The following KDM4C variants were observed in gnomAD, a reference collection of about 807,000 sequenced individuals.
KDM4C encodes lysine-specific demethylase 4C.
KDM4C carries 81 observed loss-of-function variants against 129.3 expected under a neutral mutation model. The ratio of observed to expected loss-of-function variants is 0.63; its 90% CI spans 0.52 to 0.75. The LOEUF (loss-of-function observed/expected upper bound fraction) is 0.75. KDM4C is among the 30% of genes least tolerant of loss of function. KDM4C has a pLI of 0.00. For synonymous variants in KDM4C, 573 were observed against 456.1 expected, an observed-to-expected ratio of 1.26 and a Z score of -3.26; for missense variants, 1,457 against 1,304.0, an observed-to-expected ratio of 1.12 and a Z score of -1.81.
intron 5 of KDM4C, among the ~76,000 whole-genome samples, chr9:6,870,762 G>A (rs146713105): frequency 3.3e-4 from 50 of 152,126 alleles, no homozygotes; most frequent in African/African-American, 1.2e-3. Context: ...ATGATTGTGA[G>A]CAAAACAGCA....
chr9:7,052,531 A>C (rs1436240568), intron 17 of KDM4C, among the ~76,000 whole-genome samples: 1 of 152,108 alleles, frequency 6.6e-6, no homozygotes, highest in Non-Finnish European at 1.5e-5. Flanking sequence ...TCTAATTCAC[A>C]CACATGTCTG....
intron 15 of KDM4C, among the ~76,000 whole-genome samples, chr9:7,039,458 A>G (rs1286935884): frequency 7.2e-5 from 11 of 151,876 alleles, no homozygotes; most frequent in Admixed American, 3.9e-4. Context: ...TATTTTTAAT[A>G]TACTTATTTT....
At chr9:7,107,476 G>A (rs932689711) in intron 18 of KDM4C, among the ~76,000 whole-genome samples, 1 of 152,212 alleles carries the variant, frequency 6.6e-6, no homozygotes, top group African/African-American at 2.4e-5. Context: ...AAAATGGCAT[G>A]CAATGTTTTT....
At chr9:6,955,570 C>T (rs567292540) in intron 8 of KDM4C, among the ~76,000 whole-genome samples, 2 of 152,264 alleles carry the variant, frequency 1.3e-5, no homozygotes, top group Non-Finnish European at 2.9e-5. Context: ...GCAGCTTTAT[C>T]GAAGTATGAC....
chr9:6,821,341 T>C (rs149598742), intron 4 of KDM4C, among the ~76,000 whole-genome samples: 1 of 152,202 alleles, frequency 6.6e-6, no homozygotes, highest in Admixed American at 6.5e-5. Flanking sequence ...CCACCAACAG[T>C]GTAAAAGCGT....
At chr9:6,928,610 T>A (rs575570689) in intron 8 of KDM4C, among the ~76,000 whole-genome samples, 263 of 152,254 alleles carry the variant, frequency 1.7e-3, no homozygotes, top group Non-Finnish European at 3.0e-3. Flanking sequence ...TTTTTTTTTT[T>A]TAATAATAAT....
chr9:6,812,610 G>C (rs754969738), intron 3 of KDM4C, among the ~76,000 whole-genome samples: 1 of 152,136 alleles, frequency 6.6e-6, no homozygotes, highest in Non-Finnish European at 1.5e-5. Flanking sequence ...TAATGCCACT[G>C]ATCTGACAGG....
chr9:6,728,300 C>G (rs1477511500), intron 1 of KDM4C, among the ~76,000 whole-genome samples: 1 of 152,018 alleles, frequency 6.6e-6, no homozygotes, highest in South Asian at 2.1e-4. Context: ...CTTTGGGAGG[C>G]CAAGGCGGGT....
At chr9:6,976,805 A>G (rs1221147089) in intron 8 of KDM4C, among the ~76,000 whole-genome samples, 1 of 87,352 alleles carries the variant, frequency 1.1e-5, no homozygotes, top group Non-Finnish European at 2.2e-5. Flanking sequence ...AATAGCAATA[A>G]ATATGTTGTT....
intron 19 of KDM4C, among the ~76,000 whole-genome samples, chr9:7,132,355 G>T (rs992221839): frequency 2.0e-5 from 3 of 152,162 alleles, no homozygotes; most frequent in Admixed American, 1.3e-4. Context: ...AAATGCTTAC[G>T]TTAGCGTTAT....
chr9:6,853,235 C>T (rs1176064027), intron 5 of KDM4C, among the ~76,000 whole-genome samples: 1 of 152,122 alleles, frequency 6.6e-6, no homozygotes, highest in African/African-American at 2.4e-5. Flanking sequence ...TGCCTATAAT[C>T]CCAGCACTTT....
At chr9:6,887,657 A>G (rs1051366498) in intron 6 of KDM4C, among the ~76,000 whole-genome samples, 5 of 152,210 alleles carry the variant, frequency 3.3e-5, no homozygotes, top group African/African-American at 9.7e-5. Flanking sequence ...TTATCAGATA[A>G]TAGATTGAAT....
At chr9:6,869,080 G>C (rs1842476237) in intron 5 of KDM4C, among the ~76,000 whole-genome samples, 1 of 152,108 alleles carries the variant, frequency 6.6e-6, no homozygotes, top group Non-Finnish European at 1.5e-5. Context: ...ACATGTATAT[G>C]GTTATCGAAT....
chr9:6,808,701 A>G (rs920757228), intron 3 of KDM4C, among the ~76,000 whole-genome samples: 22 of 151,264 alleles, frequency 1.5e-4, no homozygotes, highest in Admixed American at 3.9e-4. Context: ...AAAAAAAAAA[A>G]AAAAAAAAAG....
At chr9:7,165,194 C>T (rs1331190781) in intron 19 of KDM4C, 44 bp from the exon 20 acceptor site, 1 of 1,608,664 alleles carries the variant, frequency 6.2e-7, no homozygotes, top group Non-Finnish European at 8.5e-7. Flanking sequence ...AATGCAGTCA[C>T]TTAGGCACTC....
chr9:7,101,143 C>T (rs1307184440), intron 17 of KDM4C, among the ~76,000 whole-genome samples: 1 of 152,142 alleles, frequency 6.6e-6, no homozygotes, highest in African/African-American at 2.4e-5. Flanking sequence ...TCTGTTGTCC[C>T]CAGGCATGAT....
At chr9:6,867,129 C>T (rs1328553691) in intron 5 of KDM4C, among the ~76,000 whole-genome samples, 2 of 151,364 alleles carry the variant, frequency 1.3e-5, no homozygotes, top group African/African-American at 2.4e-5. Context: ...AATTCCCCTG[C>T]CTCAACCTCC....
At chr9:7,131,558 A>G (rs1040689682) in intron 19 of KDM4C, among the ~76,000 whole-genome samples, 1 of 151,948 alleles carries the variant, frequency 6.6e-6, no homozygotes, top group Non-Finnish European at 1.5e-5. Flanking sequence ...GCTCAACTTA[A>G]TCTTCTGCCT....
At chr9:7,049,996 G>A (rs911612699) in intron 17 of KDM4C, among the ~76,000 whole-genome samples, 5 of 152,026 alleles carry the variant, frequency 3.3e-5, no homozygotes, top group Non-Finnish European at 5.9e-5. Context: ...TCTTTCCACT[G>A]TACAGCATTT....
Sources: gnomAD v4.1 joint callset for allele counts (sites outside exome capture counted in the v4.1 genomes callset) on GRCh38, gnomAD v4.1.1 for gene constraint, MANE v1.5 for transcripts, NCBI Gene and HGNC (gene_info 2026-07-23, HGNC 2026-07-21) for gene names.